STX18: variants seen among roughly 807,000 people sequenced by gnomAD.
STX18 encodes the protein syntaxin 18, also known as syntaxin-18.
Under a neutral mutation model 50.1 loss-of-function variants are expected in STX18, and 40 were observed. The observed-to-expected ratio is 0.80, with a 90% CI of 0.62 to 1.04. The LOEUF is 1.04. STX18 is among the 50% of genes least tolerant of loss of function. STX18 has a pLI of 0.00. For synonymous variants in STX18, 158 were observed against 151.8 expected (o/e 1.04, Z -0.30); for missense variants, 410 against 415.8 (o/e 0.99, Z 0.12).
intron 3 of STX18, among the ~76,000 whole-genome samples, chr4:4,457,891 T>C (rs1727166737): frequency 6.6e-6 from 1 of 152,206 alleles, no homozygotes; most frequent in Admixed American, 6.5e-5. Flanking sequence ...TTTCAGCCTG[T>C]AGTGCCCCAT....
chr4:4,449,720 T>C lies in STX18; in HGVS notation c.497+7471A>G, dbSNP rs77408852. ...AAGTTATTCTCTTCCCCTTTGTAAT[T>C]AGTAAGTACCAGGGGGAGCAGTGCT... is the stretch of plus-strand genomic sequence containing the variant. On this transcript the variant is annotated intron_variant, in intron 5 of 10. Coordinates refer to ENST00000306200, the MANE Select transcript of STX18 (RefSeq NM_016930.4). Among the ~76,000 whole-genome samples, 946 of 152,300 alleles carry C rather than the reference T, an allele frequency of 6.2e-3. 13 individuals are homozygous for C. Among genetic ancestry groups the C allele is most frequent in the African/African-American group, 0.021 (891 of 41,544 alleles).
intron 9 of STX18, among the ~76,000 whole-genome samples, chr4:4,422,232 A>G (rs1725006297): frequency 6.7e-6 from 1 of 149,662 alleles, no homozygotes; most frequent in Middle Eastern, 3.4e-3. Context: ...TGCAACACTG[A>G]TGGAAAAAAC....
chr4:4,507,352 A>T (rs1729762719), intron 1 of STX18: 2 of 750,230 alleles, frequency 2.7e-6, no homozygotes, highest in African/African-American at 1.7e-5. Flanking sequence ...AGCCAAGGAA[A>T]TTGAAGTTGG....
At chr4:4,541,638 C>T (rs1279031779) in intron 1 of STX18, among the ~76,000 whole-genome samples, 159 bp downstream of exon 1, 1 of 151,874 alleles carries the variant, frequency 6.6e-6, no homozygotes, top group Non-Finnish European at 1.5e-5. Flanking sequence ...TGTTCCTTCC[C>T]CCAAAAAGCT....
At chr4:4,454,640 A>C (rs1320739848) in intron 5 of STX18, among the ~76,000 whole-genome samples, 1 of 152,128 alleles carries the variant, frequency 6.6e-6, no homozygotes, top group Non-Finnish European at 1.5e-5. Context: ...ACTCTTCCCC[A>C]AGTCTGGACT....
At chr4:4,524,828 T>G (rs541988990) in intron 1 of STX18, among the ~76,000 whole-genome samples, 3 of 152,322 alleles carry the variant, frequency 2.0e-5, no homozygotes, top group Admixed American at 2.0e-4. Flanking sequence ...TTAGTAAGAC[T>G]TCTGATAAAG....
chr4:4,484,022 C>T (rs1006072404), intron 1 of STX18, among the ~76,000 whole-genome samples: 7 of 151,844 alleles, frequency 4.6e-5, no homozygotes, highest in Admixed American at 2.6e-4. Flanking sequence ...CCACCATGCC[C>T]AGCTAATTTT....
chr4:4,468,564 C>A lies in STX18; in HGVS notation c.236+3075G>T, dbSNP rs927095896. ...TCGTCCTTGTTATTGGCTTTGCAAG[C>A]GGTGAGCAGCCAAGCCTGGGCTCGG... On this transcript the variant is annotated intron_variant, in intron 2 of 10. Coordinates refer to ENST00000306200, the MANE Select transcript of STX18 (RefSeq NM_016930.4). 5.9e-5 allele frequency among the ~76,000 whole-genome samples: 9 copies of A among 152,184 alleles called. No homozygotes were observed. In the South Asian group the frequency reaches 1.0e-3, roughly 18 times the overall value.
At chr4:4,431,979 G>A (rs911874638) in intron 7 of STX18, among the ~76,000 whole-genome samples, 1 of 152,220 alleles carries the variant, frequency 6.6e-6, no homozygotes, top group Admixed American at 6.5e-5. Context: ...GCTGGATTTG[G>A]TGAGCACTTA....
intron 1 of STX18, among the ~76,000 whole-genome samples, chr4:4,482,644 A>T (rs1233290285): frequency 2.0e-5 from 3 of 152,238 alleles, no homozygotes; most frequent in Non-Finnish European, 2.9e-5. Flanking sequence ...GCCAGACCAC[A>T]GAGCCTTTCC....
chr4:4,509,553 C>T (rs141786392), intron 1 of STX18, among the ~76,000 whole-genome samples: 130 of 151,896 alleles, frequency 8.6e-4, no homozygotes, highest in African/African-American at 3.1e-3. Flanking sequence ...TCGAAAGACC[C>T]TAATTTAAAT....
intron 5 of STX18, 68 bp downstream of exon 5, chr4:4,457,123 C>A: frequency 1.4e-6 from 2 of 1,444,718 alleles, no homozygotes; most frequent in Non-Finnish European, 1.9e-6. Context: ...AAGTGCTCTA[C>A]AAACTTTAAC....
chr4:4,492,922 C>A (rs546297019), intron 1 of STX18, among the ~76,000 whole-genome samples: 1 of 152,216 alleles, frequency 6.6e-6, no homozygotes, highest in Admixed American at 6.5e-5. Flanking sequence ...CTGTGTACTT[C>A]CAAATTTAAC....
At chr4:4,440,761 T>A (rs1483742806) in intron 5 of STX18, among the ~76,000 whole-genome samples, 1 of 152,202 alleles carries the variant, frequency 6.6e-6, no homozygotes, top group Non-Finnish European at 1.5e-5. Context: ...TAACAAAAAA[T>A]TTTTTCAAAA....
At position 4,425,297 on chromosome 4, in the gene STX18, C is replaced by A. The variant is rs543960645; in HGVS notation, c.703-75G>T. Reference sequence around the variant, plus strand: ...AGAGTCTAGCAAGAAAGCGGACCTACGCTCCAGGAATCACTGCCGAAGCCC... The same window carrying A: ...AGAGTCTAGCAAGAAAGCGGACCTAAGCTCCAGGAATCACTGCCGAAGCCC... On this transcript the variant is annotated intron_variant, in intron 7 of 10. Transcript: ENST00000306200. The A allele has an allele frequency of 2.2e-6, 3 of 1,366,780 alleles. No individual in the cohort carries two copies. In the African/African-American group the frequency reaches 4.3e-5, roughly 20 times the overall value. 84.7% of individuals were successfully genotyped at this position (1,366,780 alleles called of 1,614,324 possible).
At chr4:4,443,052 A>G (rs931958337) in intron 5 of STX18, among the ~76,000 whole-genome samples, 1 of 152,218 alleles carries the variant, frequency 6.6e-6, no homozygotes. Flanking sequence ...GCTGTGAAGT[A>G]GGCACTTCCG....
At chr4:4,539,829 G>A (rs1342629799) in intron 1 of STX18, among the ~76,000 whole-genome samples, 1 of 152,184 alleles carries the variant, frequency 6.6e-6, no homozygotes, top group African/African-American at 2.4e-5. Flanking sequence ...CTCAGGGAGA[G>A]GTGGAAGTGA....
intron 1 of STX18, among the ~76,000 whole-genome samples, chr4:4,488,447 T>G (rs1246120330): frequency 6.6e-6 from 1 of 152,214 alleles, no homozygotes; most frequent in Non-Finnish European, 1.5e-5. Context: ...CTCATTCTCC[T>G]GGGGTCCTAG....
intron 1 of STX18, among the ~76,000 whole-genome samples, chr4:4,482,462 C>T (rs1296071337): frequency 6.6e-6 from 1 of 152,226 alleles, no homozygotes; most frequent in Non-Finnish European, 1.5e-5. Flanking sequence ...AGTCTTCATC[C>T]TTTCTAGATT....
Sources: allele counts gnomAD v4.1 joint callset (sites outside exome capture counted in the v4.1 genomes callset), GRCh38; gene constraint gnomAD v4.1.1; transcripts MANE v1.5; gene names NCBI Gene and HGNC (gene_info 2026-07-23, HGNC 2026-07-21).